The following FAM171A1 variants were observed in gnomAD, a reference collection of about 807,000 sequenced individuals.
FAM171A1 encodes the protein family with sequence similarity 171 member A1, also known as protein FAM171A1.
In FAM171A1, 23 loss-of-function variants were observed where a neutral mutation model predicts 74.9. That is an observed-to-expected ratio of 0.31 (90% CI 0.22 to 0.44). The LOEUF (loss-of-function observed/expected upper bound fraction) is 0.44, where lower values mean the gene tolerates loss of function less well. Among genes scored for constraint, FAM171A1 ranks in the 20% least tolerant of loss-of-function variants. The probability of loss-of-function intolerance (pLI) is 1.00; values close to 1 mark genes in which losing one functional copy is unlikely to be tolerated. For missense variants in FAM171A1, 1,162 were observed against 1,159.2 expected (o/e 1.00, Z -0.03); for synonymous variants, 527 against 505.7 (o/e 1.04, Z -0.57).
chr10:15,275,757 T>A lies in FAM171A1; in HGVS notation c.418+98A>T, dbSNP rs998695474. The A allele has an allele frequency of 5.4e-6, 4 of 742,956 alleles. No homozygotes were observed. The East Asian group carries it at 1.1e-4, about 21-fold the overall frequency. 46.0% of individuals were successfully genotyped at this position (742,956 alleles called of 1,614,324 possible). A position where few individuals can be genotyped will look rare whatever the true frequency, so the allele number is the denominator to read the frequency against. On this transcript the variant is annotated intron_variant, in intron 3 of 7. Coordinates refer to ENST00000378116, the MANE Select transcript of FAM171A1 (RefSeq NM_001010924.2). ...ATGTGTTTGATTTAATCAATCCACC[T>A]TGTATACAAACATCACATCACATTG... is the stretch of plus-strand genomic sequence containing the variant.
chr10:15,250,948 G>A (rs1211515597), intron 4 of FAM171A1, among the ~76,000 whole-genome samples: 2 of 152,156 alleles, frequency 1.3e-5, no homozygotes, highest in Non-Finnish European at 2.9e-5. Context: ...TAGAAATGGT[G>A]TCTCCCTTCT....
At chr10:15,300,943 A>G (rs1178278218) in intron 1 of FAM171A1, among the ~76,000 whole-genome samples, 1 of 152,188 alleles carries the variant, frequency 6.6e-6, no homozygotes, top group Non-Finnish European at 1.5e-5. Flanking sequence ...AAGTTTACAA[A>G]AGACCTCCTG....
At chr10:15,316,396 C>A (rs371426522) in intron 1 of FAM171A1, among the ~76,000 whole-genome samples, 5 of 152,310 alleles carry the variant, frequency 3.3e-5, no homozygotes, top group African/African-American at 1.2e-4. Context: ...TGTTCTGGGG[C>A]GTCCCGCAAG....
At chr10:15,306,257 T>A (rs1366425218) in intron 1 of FAM171A1, among the ~76,000 whole-genome samples, 1 of 152,222 alleles carries the variant, frequency 6.6e-6, no homozygotes, top group Non-Finnish European at 1.5e-5. Context: ...TGTTTGGGGT[T>A]CTTCTTTGAA....
intron 3 of FAM171A1, among the ~76,000 whole-genome samples, chr10:15,266,313 C>G (rs1834740108): frequency 6.6e-6 from 1 of 152,192 alleles, no homozygotes; most frequent in African/African-American, 2.4e-5. Context: ...TACCCCCAAG[C>G]TGGGTGCCCA....
intron 1 of FAM171A1, among the ~76,000 whole-genome samples, chr10:15,361,078 C>T (rs886562926): frequency 5.9e-5 from 9 of 152,000 alleles, no homozygotes; most frequent in South Asian, 2.1e-4. Flanking sequence ...TAATCAATGT[C>T]GTCACCTAAT....
In FAM171A1 at chr10:15,212,818, G is replaced by C. The variant is rs1833907521; in HGVS notation, c.*97C>G. On this transcript the variant is annotated 3_prime_UTR_variant, in exon 8 of 8. Coordinates refer to ENST00000378116, the MANE Select transcript of FAM171A1 (RefSeq NM_001010924.2). ...AACGTCCACGTCCGTCCCACGGCTGGGCTGCCGTTCCGTTTCCTCCACGAA... is the reference window on the plus strand; with the variant it reads ...AACGTCCACGTCCGTCCCACGGCTGCGCTGCCGTTCCGTTTCCTCCACGAA... 1 of 1,485,786 alleles carries C rather than the reference G, an allele frequency of 6.7e-7. No individual in the cohort carries two copies. The highest frequency in any genetic ancestry group is 1.4e-5 in the African/African-American group (1 of 71,482). The allele number at this position is 1,485,786 out of a possible 1,614,324, so 92.0% of individuals were successfully genotyped here. A position where few individuals can be genotyped will look rare whatever the true frequency, so the allele number is the denominator to read the frequency against.
rs775845660 is a variant in FAM171A1, at chr10:15,254,893, C to G, written c.419-14G>C. On this transcript the variant is annotated splice_polypyrimidine_tract_variant and intron_variant, in intron 3 of 7. Transcript: ENST00000378116. ...GTGGCCGGGCACCTGCAGAGATTAA[C>G]CTCCGAGTTATCTCCCCCAGGAGCA... 4.4e-6 allele frequency: 7 copies of G among 1,608,684 alleles called. No homozygotes were observed. The South Asian group carries it at 7.7e-5, about 18-fold the overall frequency.
At chr10:15,302,119 T>C (rs1386542833) in intron 1 of FAM171A1, among the ~76,000 whole-genome samples, 2 of 152,186 alleles carry the variant, frequency 1.3e-5, no homozygotes, top group Non-Finnish European at 2.9e-5. Context: ...TCCTGCTCTT[T>C]ACACCACACT....
chr10:15,229,022 GA>G (rs1216005652), intron 5 of FAM171A1, among the ~76,000 whole-genome samples: 2 of 152,338 alleles, frequency 1.3e-5, no homozygotes, highest in East Asian at 3.9e-4. Flanking sequence ...AGGCTGCGGT[GA>G]ATTCTACTAG....
chr10:15,364,207 G>A (rs1400373703), intron 1 of FAM171A1, among the ~76,000 whole-genome samples: 1 of 152,174 alleles, frequency 6.6e-6, no homozygotes, highest in Non-Finnish European at 1.5e-5. Context: ...TTCTGAAAGT[G>A]GCTTTTGGCA....
chr10:15,321,505 A>G (rs935097027), intron 1 of FAM171A1, among the ~76,000 whole-genome samples: 14 of 152,228 alleles, frequency 9.2e-5, no homozygotes, highest in African/African-American at 3.4e-4. Context: ...AACTAAAACT[A>G]TGCCCTGGTT....
At chr10:15,260,337 A>G (rs1834639724) in intron 3 of FAM171A1, among the ~76,000 whole-genome samples, 1 of 152,186 alleles carries the variant, frequency 6.6e-6, no homozygotes, top group African/African-American at 2.4e-5. Context: ...CTGCCTAATC[A>G]AGAGCATCAT....
At chr10:15,323,174 G>A (rs1217191412) in intron 1 of FAM171A1, among the ~76,000 whole-genome samples, 1 of 151,452 alleles carries the variant, frequency 6.6e-6, no homozygotes, top group Non-Finnish European at 1.5e-5. Context: ...AAATTACAGG[G>A]CCGGGTGTGG....
In FAM171A1 at chr10:15,294,831, T is replaced by G. The variant is rs945508309; in HGVS notation, c.98-10726A>C. Among the ~76,000 whole-genome samples the G allele has an allele frequency of 2.0e-5, 3 of 152,204 alleles. No individual in the cohort carries two copies. The South Asian group carries it at 6.2e-4, about 31-fold the overall frequency. Reference sequence around the variant, plus strand: ...TTAGGGTGCATAATTTACAGGCACATGGAAGAAGCTCCCTGTCGGTATTTG... The same window carrying G: ...TTAGGGTGCATAATTTACAGGCACAGGGAAGAAGCTCCCTGTCGGTATTTG... On this transcript the variant is annotated intron_variant, in intron 1 of 7. Transcript: ENST00000378116.
At chr10:15,363,971 G>A (rs1836028113) in intron 1 of FAM171A1, among the ~76,000 whole-genome samples, 2 of 149,584 alleles carry the variant, frequency 1.3e-5, no homozygotes, top group South Asian at 4.3e-4. Flanking sequence ...ATTTGCCTGA[G>A]AGAGGCAGAG....
chr10:15,283,401 T>C (rs144567532), intron 2 of FAM171A1, among the ~76,000 whole-genome samples: 176 of 152,320 alleles, frequency 1.2e-3, no homozygotes, highest in African/African-American at 4.0e-3. Context: ...CTCTCCTAGA[T>C]GATCTCCATT....
intron 2 of FAM171A1, among the ~76,000 whole-genome samples, chr10:15,281,246 C>T (rs1465914449): frequency 6.6e-6 from 1 of 152,192 alleles, no homozygotes; most frequent in African/African-American, 2.4e-5. Flanking sequence ...TGTATCTCCT[C>T]CAGAACTGTG....
chr10:15,222,211 C>T (rs1365771419), intron 5 of FAM171A1, among the ~76,000 whole-genome samples: 2 of 152,188 alleles, frequency 1.3e-5, no homozygotes, highest in African/African-American at 2.4e-5. Flanking sequence ...GCTACGTGGG[C>T]GACCCTGTGG....
Sources: allele counts gnomAD v4.1 joint callset (sites outside exome capture counted in the v4.1 genomes callset), GRCh38; gene constraint gnomAD v4.1.1; transcripts MANE v1.5; gene names NCBI Gene and HGNC (gene_info 2026-07-23, HGNC 2026-07-21).